The following CCNYL1 variants were observed in gnomAD, a reference collection of about 807,000 sequenced individuals.
CCNYL1 encodes cyclin-Y-like protein 1.
In CCNYL1, 16 loss-of-function variants were observed where a neutral mutation model predicts 44.2. That is an observed-to-expected ratio of 0.36 (90% CI 0.25 to 0.55). The LOEUF is 0.55. Among genes scored for constraint, CCNYL1 ranks in the 20% least tolerant of loss-of-function variants. The probability of loss-of-function intolerance (pLI) is 0.85; values close to 1 mark genes in which losing one functional copy is unlikely to be tolerated. For synonymous variants in CCNYL1, 159 were observed against 163.2 expected (o/e 0.97, Z 0.20); for missense variants, 348 against 451.8 (o/e 0.77, Z 2.08).
chr2:207,715,795 G>A (rs1254480273), intron 1 of CCNYL1, among the ~76,000 whole-genome samples: 2 of 151,006 alleles, frequency 1.3e-5, no homozygotes, highest in Admixed American at 6.6e-5. Flanking sequence ...TCCTGCTTCA[G>A]CCTCCTGAGT....
Position 207,754,088 on chromosome 2 carries a change from T to C in CCNYL1, c.*390T>C, listed in dbSNP as rs2091914219. The C allele has an allele frequency of 1.9e-5, 3 of 157,660 alleles. No individual in the cohort carries two copies. Among genetic ancestry groups the C allele is most frequent in the South Asian group, 2.0e-4 (1 of 5,050 alleles). The allele number at this position is 157,660 out of a possible 1,614,324, so 9.8% of individuals were successfully genotyped here. On this transcript the variant is annotated 3_prime_UTR_variant, in exon 10 of 10. Coordinates refer to ENST00000295414, the MANE Select transcript of CCNYL1 (RefSeq NM_001330218.2). ...TTATGTTTCTTCCAGTTTCTCTCCCTCCCCCCGCATTTTGCTGCATATGCC... is the reference window on the plus strand; with the variant it reads ...TTATGTTTCTTCCAGTTTCTCTCCCCCCCCCCGCATTTTGCTGCATATGCC...
chr2:207,747,256 G>A, intron 8 of CCNYL1, 43 bp downstream of exon 8: 2 of 1,546,232 alleles, frequency 1.3e-6, no homozygotes, highest in Non-Finnish European at 8.9e-7. Flanking sequence ...CCATTTTCCA[G>A]TATCTTATTC....
chr2:207,734,086 C>T (rs930762939), intron 4 of CCNYL1, 39 bp downstream of exon 4: 2 of 1,283,688 alleles, frequency 1.6e-6, no homozygotes, highest in Admixed American at 3.6e-5. Flanking sequence ...AGTGACAGAC[C>T]CCCTTATGCT....
chr2:207,726,528 G>C (rs1348760181), intron 2 of CCNYL1, among the ~76,000 whole-genome samples: 4 of 152,234 alleles, frequency 2.6e-5, no homozygotes. Context: ...TGATGGTTCA[G>C]ATATGCAACA....
intron 1 of CCNYL1, among the ~76,000 whole-genome samples, chr2:207,712,795 G>A (rs573196974): frequency 2.6e-5 from 4 of 152,258 alleles, no homozygotes; most frequent in East Asian, 1.9e-4. Flanking sequence ...GGGTGTGAGA[G>A]GTTATTACCA....
chr2:207,749,464 A>G (rs2091877038), intron 8 of CCNYL1, among the ~76,000 whole-genome samples: 1 of 152,208 alleles, frequency 6.6e-6, no homozygotes, highest in South Asian at 2.1e-4. Flanking sequence ...CTGTGCCTGT[A>G]AAGGGTATGC....
chr2:207,713,198 G>T (rs1047882217), intron 1 of CCNYL1, among the ~76,000 whole-genome samples: 1 of 152,178 alleles, frequency 6.6e-6, no homozygotes, highest in African/African-American at 2.4e-5. Flanking sequence ...GCCATTCTCC[G>T]GTGACTTAAC....
chr2:207,744,373 T>C (rs2091837401), intron 7 of CCNYL1, among the ~76,000 whole-genome samples: 1 of 151,870 alleles, frequency 6.6e-6, no homozygotes, highest in South Asian at 2.1e-4. Flanking sequence ...TTTTGTTTTG[T>C]TTTGTTTTTG....
At chr2:207,713,277 A>G (rs1481707782) in intron 1 of CCNYL1, among the ~76,000 whole-genome samples, 1 of 152,254 alleles carries the variant, frequency 6.6e-6, no homozygotes, top group East Asian at 1.9e-4. Flanking sequence ...CAAAAGAGAC[A>G]AAGTATAAAT....
At chr2:207,752,351 T>G (rs4675710) in intron 9 of CCNYL1, among the ~76,000 whole-genome samples, 150,386 of 152,178 alleles carry the variant, frequency 0.99, 74,322 homozygotes, top group Middle Eastern at 1. Flanking sequence ...AGACCAGCCT[T>G]ACCAACACAG....
chr2:207,711,756 C>T lies in CCNYL1; in HGVS notation c.-141C>T, dbSNP rs1029184412. The T allele has an allele frequency of 9.0e-6, 4 of 444,748 alleles. No homozygotes were observed. The highest frequency in any genetic ancestry group is 6.2e-5 in the African/African-American group (3 of 48,500). 27.6% of individuals were successfully genotyped at this position (444,748 alleles called of 1,614,324 possible). ...GGCGGGCGAACCGCGGGCGAGGCGGCGTCTGCTTGCGCGGTGCAGCCCCAG... is the reference window on the plus strand; with the variant it reads ...GGCGGGCGAACCGCGGGCGAGGCGGTGTCTGCTTGCGCGGTGCAGCCCCAG... On this transcript the variant is annotated 5_prime_UTR_variant, in exon 1 of 10. Transcript: ENST00000295414.
At chr2:207,731,589 G>C (rs764458014) in intron 3 of CCNYL1, among the ~76,000 whole-genome samples, 1 of 152,018 alleles carries the variant, frequency 6.6e-6, no homozygotes, top group East Asian at 1.9e-4. Flanking sequence ...GTCAGCTTTG[G>C]TAAGGCTTTA....
Position 207,719,738 on chromosome 2 carries a change from T to G in CCNYL1, c.221-5062T>G, listed in dbSNP as rs142795047. The stretch of plus-strand genomic sequence containing the variant: ...AGTTTGCCAAGGTTTTTTAATTTGT[T>G]TTTTGTTTTTGAGATGGTCTTTCTC... On this transcript the variant is annotated intron_variant, in intron 1 of 9. Transcript: ENST00000295414. Among the ~76,000 whole-genome samples the G allele has an allele frequency of 3.2e-3, 483 of 152,218 alleles. 2 individuals carry two copies. The highest frequency in any genetic ancestry group is 0.011 in the African/African-American group (446 of 41,546).
chr2:207,744,228 TTG>T (rs61530643), intron 7 of CCNYL1, among the ~76,000 whole-genome samples: 14 of 150,142 alleles, frequency 9.3e-5, no homozygotes, highest in South Asian at 2.1e-4. Flanking sequence ...CAGGAACATT[TTG>T]TGTGTGTGTG....
intron 1 of CCNYL1, 146 bp downstream of exon 1, chr2:207,712,262 C>T: frequency 4.8e-6 from 3 of 619,856 alleles, no homozygotes; most frequent in Non-Finnish European, 8.2e-6. Context: ...CTCGCGTCCC[C>T]ACCCCTTATT....
intron 1 of CCNYL1, among the ~76,000 whole-genome samples, chr2:207,723,333 G>C (rs540867022): frequency 6.6e-6 from 1 of 152,118 alleles, no homozygotes; most frequent in Non-Finnish European, 1.5e-5. Flanking sequence ...AAGGATTCTA[G>C]GTAGATAAAT....
At chr2:207,714,252 G>A (rs1011176675) in intron 1 of CCNYL1, 4 of 391,356 alleles carry the variant, frequency 1.0e-5, no homozygotes, top group East Asian at 7.7e-5. Flanking sequence ...AACTTACTTC[G>A]GTCTTGATTA....
intron 2 of CCNYL1, among the ~76,000 whole-genome samples, chr2:207,725,546 A>C (rs578214951): frequency 6.6e-6 from 1 of 152,360 alleles, no homozygotes; most frequent in South Asian, 2.1e-4. Flanking sequence ...ACAACAACAA[A>C]AAATCAGTTC....
chr2:207,717,284 T>G (rs956578990), intron 1 of CCNYL1, among the ~76,000 whole-genome samples: 1 of 152,146 alleles, frequency 6.6e-6, no homozygotes, highest in African/African-American at 2.4e-5. Flanking sequence ...AAGATTTGAT[T>G]AGATGACAAA....
Sources: gnomAD v4.1 joint callset for allele counts (sites outside exome capture counted in the v4.1 genomes callset) on GRCh38, gnomAD v4.1.1 for gene constraint, MANE v1.5 for transcripts, NCBI Gene and HGNC (gene_info 2026-07-23, HGNC 2026-07-21) for gene names.